Variants in KCNG2 observed in about 807,000 individuals in gnomAD.
KCNG2 encodes voltage-gated potassium channel regulatory subunit KCNG2.
In KCNG2, 7 loss-of-function variants were observed where a neutral mutation model predicts 12.3. The observed-to-expected ratio is 0.57, with a 90% CI of 0.32 to 1.07. KCNG2 has a LOEUF of 1.07. Ranked by LOEUF, KCNG2 falls within the 50% of genes least tolerant of loss-of-function variation. The probability of loss-of-function intolerance (pLI) is 0.04; values close to 1 mark genes in which losing one functional copy is unlikely to be tolerated. For missense variants in KCNG2, 703 were observed against 726.0 expected, an observed-to-expected ratio of 0.97 and a Z score of 0.36; for synonymous variants, 414 against 351.4, an observed-to-expected ratio of 1.18 and a Z score of -1.99.
chr18:79,800,439 C>T lies in KCNG2; in HGVS notation c.-115+2425C>T, dbSNP rs1011105619. On this transcript the variant is annotated intron_variant, in intron 1 of 3. Coordinates refer to ENST00000316249, the MANE Select transcript of KCNG2 (RefSeq NM_012283.2). This position sits in a 1 kb window ranked among gnomAD's most constrained non-coding sequence, Gnocchi z 4.0. ...GGGTGCTGCCATCAGGTAGCCCAGC[C>T]GGTAGGCATGAGTCCAACGAGGGCG... 6.6e-6 allele frequency among the ~76,000 whole-genome samples: 1 copy of T among 152,108 alleles called. No homozygotes were observed. The highest frequency in any genetic ancestry group is 2.4e-5 in the African/African-American group (1 of 41,420).
At position 79,803,165 on chromosome 18, in the gene KCNG2, A is replaced by G. The variant is rs2087424347; in HGVS notation, c.-115+5151A>G. Among the ~76,000 whole-genome samples, 2 of 152,126 alleles carry G rather than the reference A, an allele frequency of 1.3e-5. No individual in the cohort carries two copies. Among genetic ancestry groups the G allele is most frequent in the Non-Finnish European group, 2.9e-5 (2 of 68,018 alleles). On this transcript the variant is annotated intron_variant, in intron 1 of 3. Coordinates refer to ENST00000316249, the MANE Select transcript of KCNG2 (RefSeq NM_012283.2). This position sits in a 1 kb window ranked among gnomAD's most constrained non-coding sequence, Gnocchi z 4.5. ...TGCACTCCAGCCTGGGTGACAGAGC[A>G]AGACTCTGTCTCAAAAAAAAAATAG...
chr18:79,864,267 G>A lies in KCNG2; in HGVS notation c.600G>A (p.Pro200=), dbSNP rs771682003. The stretch of plus-strand genomic sequence containing the variant: ...TGGGCCTCTGCCTGAGCACCATGCC[G>A]GACATCCGCGCCGAGGAGGAGCGGG... ...TAVGLCLSTM[P]DIRAEEERGE... Residue 200 remains proline (P), a synonymous_variant, in exon 3 of 4, where the codon CCG becomes CCA. Transcript: ENST00000316249. 30 of 1,543,046 alleles carry A rather than the reference G, an allele frequency of 1.9e-5. No homozygotes were observed. Among genetic ancestry groups the A allele is most frequent in the African/African-American group, 7.2e-5 (5 of 69,602 alleles).
intron 1 of KCNG2, among the ~76,000 whole-genome samples, chr18:79,846,478 CAT>C (rs34772232): frequency 0.3 from 45,052 of 151,220 alleles, 7,675 homozygotes; most frequent in South Asian, 0.52. Context: ...CATGTGAACT[CAT>C]ATGTGTATCA....
At chr18:79,819,434 A>C (rs148507355) in intron 1 of KCNG2, among the ~76,000 whole-genome samples, 2 of 152,348 alleles carry the variant, frequency 1.3e-5, no homozygotes, top group East Asian at 3.9e-4. Flanking sequence ...GGGTCCCCAC[A>C]GCACCTGTCC....
At chr18:79,804,218 T>C (rs1040206653) in intron 1 of KCNG2, among the ~76,000 whole-genome samples, 1 of 152,180 alleles carries the variant, frequency 6.6e-6, no homozygotes, top group Non-Finnish European at 1.5e-5. Flanking sequence ...GCTACAAGAA[T>C]AGGGCATTTG....
At chr18:79,877,805 G>A (rs1226585588) in intron 3 of KCNG2, among the ~76,000 whole-genome samples, 1 of 152,248 alleles carries the variant, frequency 6.6e-6, no homozygotes, top group Non-Finnish European at 1.5e-5. Context: ...TGCCAGGGCG[G>A]ACACCATGTC....
intron 3 of KCNG2, among the ~76,000 whole-genome samples, chr18:79,879,790 G>A (rs982185099): frequency 4.6e-5 from 7 of 152,106 alleles, no homozygotes; most frequent in East Asian, 3.9e-4. Flanking sequence ...AAACGCACGC[G>A]TGTCAAGGCG....
chr18:79,802,093 T>C (rs2087414238), intron 1 of KCNG2, among the ~76,000 whole-genome samples: 1 of 152,226 alleles, frequency 6.6e-6, no homozygotes, highest in African/African-American at 2.4e-5. Flanking sequence ...TGAGATGGAA[T>C]AGACAGAAAA....
intron 1 of KCNG2, among the ~76,000 whole-genome samples, chr18:79,827,929 T>TTC (rs1261678065): frequency 8.8e-5 from 13 of 148,346 alleles, no homozygotes; most frequent in Admixed American, 2.0e-4. Flanking sequence ...CTTTCTTTCT[T>TTC]TTTTTTTTTT....
At chr18:79,814,004 ACACCTAG>A (rs2087510753) in intron 1 of KCNG2, among the ~76,000 whole-genome samples, 1 of 152,210 alleles carries the variant, frequency 6.6e-6, no homozygotes, top group Admixed American at 6.5e-5. Context: ...AGGTGCAAAG[ACACCTAG>A]CACCGTCAGC....
chr18:79,858,032 G>A (rs980120081), intron 2 of KCNG2, among the ~76,000 whole-genome samples: 1 of 151,932 alleles, frequency 6.6e-6, no homozygotes, highest in Non-Finnish European at 1.5e-5. Context: ...AGACAGTCTC[G>A]CTCTGTCTCC....
intron 3 of KCNG2, among the ~76,000 whole-genome samples, chr18:79,873,560 G>A (rs997081783): frequency 3.9e-5 from 6 of 152,114 alleles, no homozygotes; most frequent in South Asian, 4.1e-4. Flanking sequence ...CTAGCTGTCC[G>A]GCCGTGAGCC....
chr18:79,869,323 G>A (rs573898300), intron 3 of KCNG2, among the ~76,000 whole-genome samples: 20 of 152,190 alleles, frequency 1.3e-4, no homozygotes, highest in Admixed American at 9.2e-4. Context: ...TGCACACGGC[G>A]GGTGCGGAAG....
chr18:79,859,503 A>C (rs1979137793), intron 2 of KCNG2, among the ~76,000 whole-genome samples: 11 of 151,926 alleles, frequency 7.2e-5, no homozygotes, highest in Admixed American at 7.2e-4. Flanking sequence ...TTCAACAGCC[A>C]ACTCTGGAGT....
rs772834204 is a variant in KCNG2 at position 79,863,815 on chromosome 18, C to G, written c.148C>G (p.Arg50Gly). The G allele has an allele frequency of 1.3e-5, 17 of 1,353,578 alleles. No homozygotes were observed. In the Admixed American group the frequency reaches 5.8e-4, roughly 46 times the overall value. 83.8% of individuals were successfully genotyped at this position (1,353,578 alleles called of 1,614,324 possible). A position where few individuals can be genotyped will look rare whatever the true frequency, so the allele number is the denominator to read the frequency against. The change falls in exon 3 of 4, where the codon CGC becomes GGC. Residue 50 changes from arginine to glycine, a missense_variant. Arg to Gly is a moderately radical substitution (Grantham distance 125). Transcript: ENST00000316249. Reference sequence around the variant, plus strand: ...GCGCCTGGAGCGCCTGCGCGCCTGCCGCGGCCACGACGACCTGCTGCGCGT... The same window carrying G: ...GCGCCTGGAGCGCCTGCGCGCCTGCGGCGGCCACGACGACCTGCTGCGCGT... ...LARLERLRACRGHDDLLRVCD... is the reference protein window; with the variant it reads ...LARLERLRACGGHDDLLRVCD...
rs766611718 is a variant in KCNG2, at chr18:79,884,792, G to A, written c.625-14248G>A. ...GGCTCATCCTGGGGCCCAGGAACTC[G>A]GGAGCGGTTTACCCACAGGTTCCTG... is the stretch of plus-strand genomic sequence containing the variant. On this transcript the variant is annotated intron_variant, in intron 3 of 3. Coordinates refer to ENST00000316249, the MANE Select transcript of KCNG2 (RefSeq NM_012283.2). This position sits in a 1 kb window ranked among gnomAD's most constrained non-coding sequence, Gnocchi z 5.5. Among the ~76,000 whole-genome samples the A allele has an allele frequency of 6.6e-5, 10 of 152,196 alleles. No homozygotes were observed. The highest frequency in any genetic ancestry group is 1.3e-4 in the Non-Finnish European group (9 of 68,028).
intron 1 of KCNG2, among the ~76,000 whole-genome samples, chr18:79,841,345 G>A (rs1000768831): frequency 2.0e-5 from 3 of 152,014 alleles, no homozygotes; most frequent in Non-Finnish European, 4.4e-5. Flanking sequence ...CGAGATGTTG[G>A]GCTAAGCAAA....
intron 1 of KCNG2, among the ~76,000 whole-genome samples, chr18:79,807,478 G>A (rs1306817731): frequency 1.3e-5 from 2 of 152,152 alleles, no homozygotes; most frequent in South Asian, 2.1e-4. Flanking sequence ...GCTCTGACAC[G>A]TCACCCCACC....
At chr18:79,824,287 G>A (rs757984581) in intron 1 of KCNG2, among the ~76,000 whole-genome samples, 1 of 152,228 alleles carries the variant, frequency 6.6e-6, no homozygotes, top group Admixed American at 6.5e-5. Flanking sequence ...CGTGAGCCTC[G>A]GTGCTTGGCC....
Sources: allele counts gnomAD v4.1 joint callset (sites outside exome capture counted in the v4.1 genomes callset), GRCh38; gene constraint gnomAD v4.1.1; non-coding constraint Gnocchi (gnomAD v3.1); transcripts MANE v1.5; gene names NCBI Gene and HGNC (gene_info 2026-07-23, HGNC 2026-07-21).